The following TRIM2 variants were observed in gnomAD, a reference collection of about 807,000 sequenced individuals.
The protein encoded by TRIM2 is tripartite motif-containing protein 2.
Under a neutral mutation model 75.2 loss-of-function variants are expected in TRIM2, and 20 were observed. That is an observed-to-expected ratio of 0.27 (90% CI 0.19 to 0.39). TRIM2 has a LOEUF of 0.39. Among genes scored for constraint, TRIM2 ranks in the 10% least tolerant of loss-of-function variants. TRIM2 has a pLI of 1.00. For synonymous variants in TRIM2, 373 were observed against 388.3 expected (o/e 0.96, Z 0.46); for missense variants, 660 against 990.8 (o/e 0.67, Z 4.48).
intron 6 of TRIM2, among the ~76,000 whole-genome samples, chr4:153,312,692 C>A (rs1446772207): frequency 6.6e-6 from 1 of 152,074 alleles, no homozygotes; most frequent in East Asian, 1.9e-4. Flanking sequence ...TTCGACCCAG[C>A]CATCCCATTA....
chr4:153,165,948 T>G (rs1260402289), intron 1 of TRIM2, among the ~76,000 whole-genome samples: 2 of 152,196 alleles, frequency 1.3e-5, no homozygotes, highest in African/African-American at 4.8e-5. Flanking sequence ...TCTATTTTTA[T>G]CTTTGCTAAT....
At chr4:153,260,724 A>ACACACACACACACACACACACACACACAT (rs528342465) in intron 1 of TRIM2, among the ~76,000 whole-genome samples, 14 of 112,658 alleles carry the variant, frequency 1.2e-4, no homozygotes, top group African/African-American at 4.3e-4. Context: ...ACACACACAC[A>ACACACACACACACACACACACACACACAT]CATCATCATC....
At position 153,336,712 on chromosome 4, in the gene TRIM2, T is replaced by A. The variant is rs1772495168; in HGVS notation, c.*1746T>A. The A allele has an allele frequency of 1.0e-6, 1 of 985,130 alleles. No homozygotes were observed. The highest frequency in any genetic ancestry group is 6.1e-5 in the Admixed American group (1 of 16,290). 61.0% of individuals were successfully genotyped at this position (985,130 alleles called of 1,614,324 possible). A position where few individuals can be genotyped will look rare whatever the true frequency, so the allele number is the denominator to read the frequency against. ...ATTTATAATTCAGTCATTCTCTATA[T>A]AGGACTTCTTAAAATTTAGAAGGGA... On this transcript the variant is annotated 3_prime_UTR_variant, in exon 12 of 12. Transcript: ENST00000338700.
Position 153,336,926 on chromosome 4 carries a change from ACT to A in TRIM2, c.*1961_*1962del. 3.0e-6 allele frequency: 3 copies of A among 984,832 alleles called. No homozygotes were observed. Among genetic ancestry groups the A allele is most frequent in the Non-Finnish European group, 3.6e-6 (3 of 829,278 alleles). The allele number at this position is 984,832 out of a possible 1,614,324, so 61.0% of individuals were successfully genotyped here. Reference sequence around the variant, plus strand: ...ACTTTTTAGAATGTTAAATGAAGACACTGTTTCCTAACATCAGTGAGATACAT... The same window carrying A: ...ACTTTTTAGAATGTTAAATGAAGACAGTTTCCTAACATCAGTGAGATACAT... On this transcript the variant is annotated 3_prime_UTR_variant, in exon 12 of 12. Transcript: ENST00000338700.
chr4:153,260,700 CCACACACACA>C (rs1185919053), intron 1 of TRIM2, among the ~76,000 whole-genome samples: 46 of 67,758 alleles, frequency 6.8e-4, no homozygotes, highest in Non-Finnish European at 1.3e-3. Flanking sequence ...ACCCCCCCCC[CCACACACACA>C]CACACACACA....
intron 1 of TRIM2, among the ~76,000 whole-genome samples, chr4:153,245,114 T>C (rs894422790): frequency 1.3e-5 from 2 of 152,208 alleles, no homozygotes; most frequent in African/African-American, 2.4e-5. Context: ...AGTCAGTTCT[T>C]GCACCAGTCA....
At chr4:153,314,294 C>A (rs56258853) in intron 6 of TRIM2, among the ~76,000 whole-genome samples, 4 of 145,966 alleles carry the variant, frequency 2.7e-5, no homozygotes, top group Non-Finnish European at 4.5e-5. Context: ...GTGGCGGGCG[C>A]CTGTAGTCCC....
Position 153,338,805 on chromosome 4 carries a change from C to T in TRIM2, c.*3839C>T, listed in dbSNP as rs906988284. On this transcript the variant is annotated 3_prime_UTR_variant, in exon 12 of 12. Coordinates refer to ENST00000338700, the MANE Select transcript of TRIM2 (RefSeq NM_015271.5). ...AATGAATGTACAGCACTTCCATTAA[C>T]TTTTGAAAGCAACACAGCCTTAAAC... The T allele has an allele frequency of 8.1e-6, 8 of 985,662 alleles. No homozygotes were observed. Among genetic ancestry groups the T allele is most frequent in the Admixed American group, 1.2e-4 (2 of 16,262 alleles). The allele number at this position is 985,662 out of a possible 1,614,324, so 61.1% of individuals were successfully genotyped here.
chr4:153,305,462 G>A (rs142692920), intron 6 of TRIM2, among the ~76,000 whole-genome samples: 21 of 152,186 alleles, frequency 1.4e-4, no homozygotes, highest in African/African-American at 4.8e-4. Context: ...AGCTTGTCTC[G>A]GTCCCTTTTC....
chr4:153,317,509 C>A (rs1767938062), intron 8 of TRIM2, among the ~76,000 whole-genome samples: 1 of 151,726 alleles, frequency 6.6e-6, no homozygotes, highest in Non-Finnish European at 1.5e-5. Flanking sequence ...ATTAGCCGGC[C>A]GTGGTGGCGT....
intron 3 of TRIM2, among the ~76,000 whole-genome samples, chr4:153,290,447 C>G (rs1350401598): frequency 6.6e-6 from 1 of 152,132 alleles, no homozygotes; most frequent in Non-Finnish European, 1.5e-5. Context: ...TGGAAGTACC[C>G]CTTAGCTCAT....
intron 1 of TRIM2, among the ~76,000 whole-genome samples, chr4:153,212,913 T>C (rs566391502): frequency 6.6e-6 from 1 of 152,348 alleles, no homozygotes; most frequent in Admixed American, 6.5e-5. Flanking sequence ...TGGGCTTGCA[T>C]CAGTCATTTT....
At chr4:153,292,167 T>C (rs1761955643) in intron 3 of TRIM2, among the ~76,000 whole-genome samples, 1 of 152,202 alleles carries the variant, frequency 6.6e-6, no homozygotes, top group African/African-American at 2.4e-5. Context: ...CTCTCAAGAG[T>C]GCACAGTGGA....
chr4:153,225,472 A>C (rs568571481), intron 1 of TRIM2, among the ~76,000 whole-genome samples: 1 of 152,224 alleles, frequency 6.6e-6, no homozygotes, highest in Non-Finnish European at 1.5e-5. Flanking sequence ...GCATAATATC[A>C]TACTTAGTCC....
rs1192225901 is a variant in TRIM2, at chr4:153,295,032, T to C, written c.787-281T>C. ...AGGCATAGCAATTAATTTGCTATGC[T>C]CTTGGTAGTGACCTTTCTGTTTTCC... On this transcript the variant is annotated intron_variant, in intron 5 of 11. Coordinates refer to ENST00000338700, the MANE Select transcript of TRIM2 (RefSeq NM_015271.5). The surrounding 1 kb of genome is among the most constrained non-coding windows in gnomAD (Gnocchi z 7.2). Among the ~76,000 whole-genome samples, 1 of 152,216 alleles carries C rather than the reference T, an allele frequency of 6.6e-6. No homozygotes were observed. The highest frequency in any genetic ancestry group is 1.5e-5 in the Non-Finnish European group (1 of 68,038).
chr4:153,189,434 T>G (rs1732956291), intron 1 of TRIM2, among the ~76,000 whole-genome samples: 1 of 152,196 alleles, frequency 6.6e-6, no homozygotes, highest in Non-Finnish European at 1.5e-5. Context: ...GGCTTGTTGA[T>G]TAGGAAACCA....
chr4:153,267,558 A>AG, intron 1 of TRIM2, among the ~76,000 whole-genome samples: 1 of 152,252 alleles, frequency 6.6e-6, no homozygotes, highest in South Asian at 2.1e-4. Context: ...AGGCTGAGGC[A>AG]GAGAATGTTG....
chr4:153,183,801 A>T (rs1560792679), intron 1 of TRIM2, among the ~76,000 whole-genome samples: 1 of 152,176 alleles, frequency 6.6e-6, no homozygotes, highest in African/African-American at 2.4e-5. Flanking sequence ...AAGCTAGACC[A>T]CACTGAACAG....
chr4:153,313,740 G>A (rs1280137308), intron 6 of TRIM2, among the ~76,000 whole-genome samples: 2 of 147,208 alleles, frequency 1.4e-5, no homozygotes, highest in Admixed American at 6.9e-5. Flanking sequence ...TTGTTTAAGC[G>A]ATTCTCCTGC....
Sources: gnomAD v4.1 joint callset for allele counts (sites outside exome capture counted in the v4.1 genomes callset) on GRCh38, gnomAD v4.1.1 for gene constraint, Gnocchi (gnomAD v3.1) non-coding constraint, MANE v1.5 for transcripts, NCBI Gene and HGNC (gene_info 2026-07-23, HGNC 2026-07-21) for gene names.